Variants in ZDHHC20 observed in about 807,000 individuals in gnomAD.
ZDHHC20 encodes the protein zDHHC palmitoyltransferase 20, also known as palmitoyltransferase ZDHHC20.
Under a neutral mutation model 57.8 loss-of-function variants are expected in ZDHHC20, and 43 were observed. The observed-to-expected ratio is 0.74, with a 90% CI of 0.58 to 0.96. The LOEUF is 0.96. Ranked by LOEUF, ZDHHC20 falls within the 40% of genes least tolerant of loss-of-function variation. The pLI is 0.00. For missense variants in ZDHHC20, 391 were observed against 441.1 expected, an observed-to-expected ratio of 0.89 and a Z score of 1.02; for synonymous variants, 157 against 153.0, an observed-to-expected ratio of 1.03 and a Z score of -0.19.
intron 1 of ZDHHC20, among the ~76,000 whole-genome samples, chr13:21,436,740 G>A (rs1471895987): frequency 6.6e-6 from 1 of 152,088 alleles, no homozygotes; most frequent in Non-Finnish European, 1.5e-5. Flanking sequence ...TAAGTGTTCA[G>A]GTGAAAGGAA....
intron 4 of ZDHHC20, among the ~76,000 whole-genome samples, chr13:21,409,001 T>G (rs1265635153): frequency 2.0e-5 from 3 of 152,236 alleles, no homozygotes. Flanking sequence ...GCTGCTGGAT[T>G]CAGTCTGCCA....
At chr13:21,452,443 G>A (rs1169799486) in intron 1 of ZDHHC20, among the ~76,000 whole-genome samples, 1 of 152,092 alleles carries the variant, frequency 6.6e-6, no homozygotes, top group Non-Finnish European at 1.5e-5. Flanking sequence ...CAGTCCAGCT[G>A]ACTTGCACTA....
intron 1 of ZDHHC20, among the ~76,000 whole-genome samples, chr13:21,455,636 GTGTGTGT>G (rs1884858868): frequency 8.4e-5 from 1 of 11,954 alleles, no homozygotes; most frequent in Non-Finnish European, 3.1e-4. Flanking sequence ...GTGAAGTGGT[GTGTGTGT>G]GTGTGTGTGT....
chr13:21,458,930 T>A, intron 1 of ZDHHC20, 124 bp downstream of exon 1: 1 of 665,586 alleles, frequency 1.5e-6, no homozygotes, highest in Non-Finnish European at 2.3e-6. Flanking sequence ...CCGAGCGCGT[T>A]CGGGGCCGGA....
intron 3 of ZDHHC20, among the ~76,000 whole-genome samples, chr13:21,415,605 C>CT (rs761980095): frequency 1.3e-5 from 2 of 152,142 alleles, no homozygotes; most frequent in Admixed American, 1.3e-4. Flanking sequence ...TTGGGCCCCT[C>CT]TTGAATACTT....
intron 3 of ZDHHC20, among the ~76,000 whole-genome samples, chr13:21,414,181 G>T (rs1879606096): frequency 6.6e-6 from 1 of 151,270 alleles, no homozygotes; most frequent in African/African-American, 2.4e-5. Flanking sequence ...TCACAGTCAT[G>T]GGGTCCCGCT....
At chr13:21,406,331 A>G (rs1878434981) in intron 4 of ZDHHC20, among the ~76,000 whole-genome samples, 1 of 152,144 alleles carries the variant, frequency 6.6e-6, no homozygotes, top group Non-Finnish European at 1.5e-5. Flanking sequence ...TTACTCCTGC[A>G]CATCTAATTG....
intron 1 of ZDHHC20, among the ~76,000 whole-genome samples, chr13:21,455,961 T>C (rs1450766027): frequency 6.6e-6 from 1 of 152,178 alleles, no homozygotes; most frequent in African/African-American, 2.4e-5. Context: ...TGAATTCCAA[T>C]TCTTACCATG....
intron 1 of ZDHHC20, among the ~76,000 whole-genome samples, chr13:21,440,612 AAAAC>A (rs140422809): frequency 0.073 from 10,047 of 137,190 alleles, 530 homozygotes; most frequent in African/African-American, 0.15. Flanking sequence ...ACTCTGTCCA[AAAAC>A]AAACAAACAA....
intron 1 of ZDHHC20, among the ~76,000 whole-genome samples, chr13:21,437,695 A>C (rs1339777580): frequency 6.8e-6 from 1 of 148,020 alleles, no homozygotes; most frequent in East Asian, 2.0e-4. Flanking sequence ...GCTTTACTGA[A>C]TTTTTTTTTT....
At chr13:21,437,702 T>C (rs915086422) in intron 1 of ZDHHC20, among the ~76,000 whole-genome samples, 5 of 152,132 alleles carry the variant, frequency 3.3e-5, no homozygotes, top group Non-Finnish European at 7.4e-5. Context: ...TGAATTTTTT[T>C]TTTTTTTGAG....
intron 1 of ZDHHC20, among the ~76,000 whole-genome samples, chr13:21,449,204 G>A (rs1884194566): frequency 6.7e-6 from 1 of 148,774 alleles, no homozygotes; most frequent in African/African-American, 2.5e-5. Context: ...AAACACCCAA[G>A]AATTATCAAT....
intron 1 of ZDHHC20, among the ~76,000 whole-genome samples, chr13:21,428,792 G>A (rs1001156324): frequency 6.6e-5 from 10 of 151,916 alleles, no homozygotes; most frequent in Non-Finnish European, 1.2e-4. Context: ...CCTGGGAGGC[G>A]GTTGCAGTGA....
At chr13:21,438,519 CATG>C (rs1882787741) in intron 1 of ZDHHC20, among the ~76,000 whole-genome samples, 1 of 152,186 alleles carries the variant, frequency 6.6e-6, no homozygotes, top group African/African-American at 2.4e-5. Context: ...GCTGCAACCT[CATG>C]ATAAAACTTG....
chr13:21,406,901 A>G (rs1184017238), intron 4 of ZDHHC20, among the ~76,000 whole-genome samples: 1 of 152,170 alleles, frequency 6.6e-6, no homozygotes, highest in Non-Finnish European at 1.5e-5. Flanking sequence ...ATACCCAGTA[A>G]TAGGATTGCT....
Position 21,401,366 on chromosome 13 carries a change from G to A in ZDHHC20, c.473+287C>T, listed in dbSNP as rs115792082. Among the ~76,000 whole-genome samples the A allele has an allele frequency of 4.3e-3, 660 of 152,292 alleles. 2 individuals carry two copies. The highest frequency in any genetic ancestry group is 0.015 in the African/African-American group (620 of 41,568). Reference sequence around the variant, plus strand: ...TATTACCTAGAAATGGGTCATCTGGGAAGTTGAGTGGTGTCTTAATTGTGA... The same window carrying A: ...TATTACCTAGAAATGGGTCATCTGGAAAGTTGAGTGGTGTCTTAATTGTGA... On this transcript the variant is annotated intron_variant, in intron 6 of 12. Transcript: ENST00000400590.
At chr13:21,445,108 TTA>T (rs1288147811) in intron 1 of ZDHHC20, among the ~76,000 whole-genome samples, 2 of 151,194 alleles carry the variant, frequency 1.3e-5, no homozygotes, top group African/African-American at 2.4e-5. Context: ...TTTTATATAT[TTA>T]TATATATATA....
intron 7 of ZDHHC20, among the ~76,000 whole-genome samples, chr13:21,394,087 A>T (rs1366433343): frequency 1.3e-5 from 2 of 152,150 alleles, no homozygotes; most frequent in Non-Finnish European, 2.9e-5. Context: ...TGAGCCTTGC[A>T]CAAATCAGAT....
chr13:21,448,671 G>C (rs1490709460), intron 1 of ZDHHC20, among the ~76,000 whole-genome samples: 1 of 99,662 alleles, frequency 1.0e-5, no homozygotes, highest in East Asian at 2.2e-4. Flanking sequence ...CCCCTACTGG[G>C]AAGTGAGGAG....
Sources: gnomAD v4.1 joint callset for allele counts (sites outside exome capture counted in the v4.1 genomes callset) on GRCh38, gnomAD v4.1.1 for gene constraint, MANE v1.5 for transcripts, NCBI Gene and HGNC (gene_info 2026-07-23, HGNC 2026-07-21) for gene names.